CHST9: variants seen among roughly 807,000 people sequenced by gnomAD.
The protein encoded by CHST9 is GalNAc-4-sulfotransferase 2.
Under a neutral mutation model 44.4 loss-of-function variants are expected in CHST9, and 41 were observed. That is an observed-to-expected ratio of 0.92 (90% confidence interval 0.72 to 1.20). The LOEUF is 1.20. CHST9 is among the 50% of genes most tolerant of loss of function. The pLI is 0.00. For synonymous variants in CHST9, 171 were observed against 178.4 expected, an observed-to-expected ratio of 0.96 and a Z score of 0.33; for missense variants, 504 against 516.5, an observed-to-expected ratio of 0.98 and a Z score of 0.23.
rs1441276320 is a variant in CHST9 at position 26,997,025 on chromosome 18, TG to T, written c.202+27090del. 3.3e-5 allele frequency among the ~76,000 whole-genome samples: 5 copies of T among 152,338 alleles called. No individual in the cohort carries two copies. The East Asian group carries it at 9.6e-4, about 29-fold the overall frequency. The stretch of plus-strand genomic sequence containing the variant: ...CATCTTAGCACAATGAGTCATAGCA[TG>T]GGTCTGGAATTCTGACCTCCTGAGT... On this transcript the variant is annotated intron_variant, in intron 4 of 5. Coordinates refer to ENST00000618847, the MANE Select transcript of CHST9 (RefSeq NM_031422.6).
chr18:26,972,716 G>A (rs893589161), intron 4 of CHST9, among the ~76,000 whole-genome samples: 1 of 152,230 alleles, frequency 6.6e-6, no homozygotes, highest in African/African-American at 2.4e-5. Flanking sequence ...GGAGGGTAAA[G>A]ATGGAGGCAG....
At chr18:27,168,773 T>C (rs2058811388) in intron 1 of CHST9, among the ~76,000 whole-genome samples, 1 of 152,196 alleles carries the variant, frequency 6.6e-6, no homozygotes, top group South Asian at 2.1e-4. Context: ...AATTCACTTC[T>C]AATGAATAGC....
At chr18:26,932,349 T>C (rs1277394874) in intron 5 of CHST9, among the ~76,000 whole-genome samples, 1 of 152,242 alleles carries the variant, frequency 6.6e-6, no homozygotes, top group Non-Finnish European at 1.5e-5. Flanking sequence ...ATGGGATCTT[T>C]ATCTTCACTT....
At chr18:26,955,241 T>C (rs1424240502) in intron 4 of CHST9, among the ~76,000 whole-genome samples, 1 of 126,208 alleles carries the variant, frequency 7.9e-6, no homozygotes, top group Admixed American at 8.1e-5. Context: ...TTTTTTTTTG[T>C]ATTTTACACA....
chr18:26,997,973 T>G (rs752718293), intron 4 of CHST9, among the ~76,000 whole-genome samples: 12 of 152,262 alleles, frequency 7.9e-5, no homozygotes, highest in Non-Finnish European at 1.5e-4. Flanking sequence ...ATTTTTATTT[T>G]GAATTCCCAT....
chr18:27,072,582 A>T (rs1379131169), intron 2 of CHST9, among the ~76,000 whole-genome samples: 1 of 152,132 alleles, frequency 6.6e-6, no homozygotes, highest in Non-Finnish European at 1.5e-5. Flanking sequence ...ACTCTGCCTT[A>T]CACAGAGACC....
At chr18:27,141,742 TAA>T (rs35595422) in intron 2 of CHST9, among the ~76,000 whole-genome samples, 207 of 122,020 alleles carry the variant, frequency 1.7e-3, no homozygotes, top group African/African-American at 5.7e-3. Flanking sequence ...TAGAATAACT[TAA>T]AAAAAAAAAA....
chr18:27,073,118 T>C (rs2057859662), intron 2 of CHST9, among the ~76,000 whole-genome samples: 1 of 152,048 alleles, frequency 6.6e-6, no homozygotes, highest in South Asian at 2.1e-4. Context: ...TGTAGGTGAA[T>C]ATGTAGCTGG....
At chr18:27,131,546 C>A (rs112464357) in intron 2 of CHST9, among the ~76,000 whole-genome samples, 6 of 152,014 alleles carry the variant, frequency 3.9e-5, no homozygotes, top group African/African-American at 1.2e-4. Flanking sequence ...AGCAAAACTC[C>A]GTATCAAAAA....
intron 2 of CHST9, among the ~76,000 whole-genome samples, chr18:27,142,111 G>A (rs1401217492): frequency 2.0e-5 from 3 of 152,094 alleles, no homozygotes; most frequent in Non-Finnish European, 4.4e-5. Flanking sequence ...AACACAGCCT[G>A]TTCCATTTGT....
At chr18:27,010,287 G>A (rs1244490851) in intron 4 of CHST9, among the ~76,000 whole-genome samples, 1 of 151,904 alleles carries the variant, frequency 6.6e-6, no homozygotes, top group African/African-American at 2.4e-5. Flanking sequence ...TTCTCACTTC[G>A]ACTTCCTTCT....
intron 1 of CHST9, among the ~76,000 whole-genome samples, chr18:27,172,252 T>G (rs577390824): frequency 9.9e-5 from 15 of 152,250 alleles, no homozygotes; most frequent in African/African-American, 3.6e-4. Flanking sequence ...CTGCTATAAA[T>G]TCAAACAACT....
chr18:26,945,969 G>C (rs1430175079), intron 4 of CHST9, among the ~76,000 whole-genome samples: 1 of 152,184 alleles, frequency 6.6e-6, no homozygotes, highest in African/African-American at 2.4e-5. Flanking sequence ...TACAGTAGAA[G>C]TGTAAGGCGT....
intron 4 of CHST9, among the ~76,000 whole-genome samples, chr18:26,969,325 T>A (rs1293497680): frequency 6.6e-6 from 1 of 151,994 alleles, no homozygotes. Flanking sequence ...GTCTTATATT[T>A]TAATACTCTT....
intron 4 of CHST9, among the ~76,000 whole-genome samples, chr18:26,994,897 T>C (rs1479513279): frequency 1.3e-5 from 2 of 152,038 alleles, no homozygotes; most frequent in South Asian, 2.1e-4. Flanking sequence ...CCTGGATTTA[T>C]TGATTCTTTC....
intron 1 of CHST9, among the ~76,000 whole-genome samples, chr18:27,168,060 G>A (rs1339861789): frequency 1.3e-5 from 2 of 149,040 alleles, no homozygotes; most frequent in African/African-American, 4.9e-5. Context: ...AATCAGAGGA[G>A]TGAAAAGATT....
At chr18:27,161,361 G>A (rs911906543) in intron 1 of CHST9, among the ~76,000 whole-genome samples, 5 of 151,952 alleles carry the variant, frequency 3.3e-5, no homozygotes, top group East Asian at 1.9e-4. Flanking sequence ...CCTTCATTTC[G>A]TTATGTACCC....
At chr18:27,080,347 T>C (rs1409774312) in intron 2 of CHST9, among the ~76,000 whole-genome samples, 1 of 151,862 alleles carries the variant, frequency 6.6e-6, no homozygotes, top group East Asian at 2.0e-4. Flanking sequence ...TTCTACTTGG[T>C]TAACTCTTAC....
At chr18:27,144,160 G>A (rs903864612) in intron 1 of CHST9, among the ~76,000 whole-genome samples, 2 of 152,060 alleles carry the variant, frequency 1.3e-5, no homozygotes, top group African/African-American at 2.4e-5. Flanking sequence ...CAACCCCTCT[G>A]GGTGAGCCGA....
Sources: allele counts gnomAD v4.1 joint callset (sites outside exome capture counted in the v4.1 genomes callset), GRCh38; gene constraint gnomAD v4.1.1; transcripts MANE v1.5; gene names NCBI Gene and HGNC (gene_info 2026-07-23, HGNC 2026-07-21).